The following ZNF782 variants were observed in gnomAD, a reference collection of about 807,000 sequenced individuals.
ZNF782 encodes zinc finger protein 782.
In ZNF782, 12 loss-of-function variants were observed where a neutral mutation model predicts 13.0. That is an observed-to-expected ratio of 0.92 (90% CI 0.59 to 1.50). ZNF782 has a LOEUF of 1.50. ZNF782 is among the 40% of genes most tolerant of loss of function. ZNF782 has a pLI of 0.00. For missense variants in ZNF782, 770 were observed against 822.9 expected (o/e 0.94, Z 0.79); for synonymous variants, 284 against 283.0 (o/e 1.00, Z -0.04).
chr9:96,882,531 ATTAAT>A, the ZNF782 span, among the ~76,000 whole-genome samples: 2 of 152,300 alleles, frequency 1.3e-5, no homozygotes, highest in Middle Eastern at 3.4e-3. Flanking sequence ...CAGAGATTAT[ATTAAT>A]TTATTATAAA....
chr9:96,889,163 G>C, the ZNF782 span: 5 of 152,158 alleles, frequency 3.3e-5, no homozygotes, highest in Non-Finnish European at 5.9e-5. Context: ...CTCCTGCCAT[G>C]CATCATAAGC....
chr9:96,845,043 T>G (rs755610199), intron 3 of ZNF782, 27 bp from the exon 4 acceptor site: 1 of 1,613,398 alleles, frequency 6.2e-7, no homozygotes, highest in Non-Finnish European at 8.5e-7. Flanking sequence ...CTAATTAATC[T>G]GAGTGTTCAG....
At chr9:96,915,080 A>G in the ZNF782 span, among the ~76,000 whole-genome samples, 1 of 151,782 alleles carries the variant, frequency 6.6e-6, no homozygotes, top group Admixed American at 6.6e-5. Context: ...TGCACTTCAT[A>G]AACAAAACAT....
chr9:96,916,309 G>GTT, the ZNF782 span, among the ~76,000 whole-genome samples: 1 of 151,924 alleles, frequency 6.6e-6, no homozygotes, highest in Non-Finnish European at 1.5e-5. Flanking sequence ...TGGCCAACAT[G>GTT]GTGAACCCTG....
chr9:96,824,003 G>A (rs183009391), intron 5 of ZNF782, among the ~76,000 whole-genome samples: 4,623 of 152,236 alleles, frequency 0.03, 116 homozygotes, highest in Middle Eastern at 0.044. Flanking sequence ...CATTCCTTCT[G>A]AAACTATTCC....
In ZNF782 at chr9:96,819,120, T is replaced by A. The variant is rs141681634; in HGVS notation, c.903A>T (p.Arg301Ser). The A allele has an allele frequency of 1.9e-5, 31 of 1,613,918 alleles. No homozygotes were observed. The African/African-American group carries it at 2.8e-4, about 15-fold the overall frequency. Reference sequence around the variant, plus strand: ...CCCCTATATGAACTCTATGATGTTCTCTAATGTGTGACTTTTGGCTGAAGG... The same window carrying A: ...CCCCTATATGAACTCTATGATGTTCACTAATGTGTGACTTTTGGCTGAAGG... The part of the protein sequence containing the change: ...GKSFSQKSHI[R>S]EHHRVHIGVK... The change falls in exon 6 of 6, where the codon AGA becomes AGT. Residue 301 changes from arginine (R) to serine (S), a missense_variant. Coordinates refer to ENST00000481138, the MANE Select transcript of ZNF782 (RefSeq NM_001001662.3).
rs1268906343 is a variant in ZNF782, at chr9:96,819,562, T to C, written c.461A>G (p.His154Arg). Residue 154 changes from histidine (H) to arginine (R), a missense_variant, in exon 6 of 6, where the codon CAC becomes CGC. By Grantham distance (29) the His-to-Arg change is conservative (BLOSUM62 0). Coordinates refer to ENST00000481138, the MANE Select transcript of ZNF782 (RefSeq NM_001001662.3). ...ACQGLSLMAP[H>R]CQYSKEKAHE... ...AGCCTTTTCTTTTGAATACTGACAGTGTGGGGCCATCAGGCTGAGCCCCTG... is the reference window on the plus strand; with the variant it reads ...AGCCTTTTCTTTTGAATACTGACAGCGTGGGGCCATCAGGCTGAGCCCCTG... 3 of 1,613,546 alleles carry C rather than the reference T, an allele frequency of 1.9e-6. No individual in the cohort carries two copies. The highest frequency in any genetic ancestry group is 1.3e-5 in the African/African-American group (1 of 74,872).
the ZNF782 span, among the ~76,000 whole-genome samples, chr9:96,912,401 C>T: frequency 8.6e-3 from 1,281 of 148,940 alleles, 21 homozygotes; most frequent in African/African-American, 0.029. Flanking sequence ...TGGCGGGCGC[C>T]TGTAATCCCA....
intron 1 of ZNF782, among the ~76,000 whole-genome samples, chr9:96,864,728 T>A (rs1218326926): frequency 1.3e-5 from 2 of 152,086 alleles, no homozygotes; most frequent in Non-Finnish European, 2.9e-5. Flanking sequence ...TAGTTTTATA[T>A]TTATTTAAAC....
upstream of ZNF782, among the ~76,000 whole-genome samples, chr9:96,879,265 G>C (rs776048211): frequency 6.6e-5 from 10 of 152,224 alleles, no homozygotes; most frequent in South Asian, 2.1e-4. Context: ...TAGGCGGGCA[G>C]ATCACGAGGT....
upstream of ZNF782, among the ~76,000 whole-genome samples, chr9:96,859,334 C>G (rs1851678444): frequency 6.6e-6 from 1 of 152,108 alleles, no homozygotes; most frequent in African/African-American, 2.4e-5. Context: ...TCCTCCAACC[C>G]TAGACAGTGC....
chr9:96,905,419 G>C, the ZNF782 span, among the ~76,000 whole-genome samples: 2 of 151,796 alleles, frequency 1.3e-5, no homozygotes, highest in Admixed American at 6.6e-5. Context: ...AAAAAGGGAG[G>C]AACTCTCATT....
intron 4 of ZNF782, among the ~76,000 whole-genome samples, chr9:96,840,559 G>A (rs571116082): frequency 3.3e-5 from 5 of 152,080 alleles, no homozygotes; most frequent in Admixed American, 6.6e-5. Context: ...AATTAAGGCT[G>A]TGCTATTGAA....
chr9:96,874,618 G>A (rs759400044), intron 1 of ZNF782, among the ~76,000 whole-genome samples: 9 of 152,136 alleles, frequency 5.9e-5, no homozygotes, highest in African/African-American at 1.7e-4. Context: ...TCATTCTGGC[G>A]GGTGGATCAA....
At chr9:96,913,987 A>G in the ZNF782 span, among the ~76,000 whole-genome samples, 1 of 150,798 alleles carries the variant, frequency 6.6e-6, no homozygotes. Context: ...AAAAAAAAAA[A>G]GGCAAAATGT....
chr9:96,932,506 A>G, the ZNF782 span: 10 of 1,206,838 alleles, frequency 8.3e-6, no homozygotes, highest in Non-Finnish European at 1.2e-5. Context: ...TGTTCAGGGG[A>G]GCTTGCAGGG....
the ZNF782 span, among the ~76,000 whole-genome samples, chr9:96,913,947 C>G: frequency 6.8e-6 from 1 of 147,190 alleles, no homozygotes; most frequent in African/African-American, 2.5e-5. Context: ...TGAGACCAGC[C>G]TGGGCAACAC....
chr9:96,841,312 A>G (rs1172344590), intron 4 of ZNF782, among the ~76,000 whole-genome samples: 2 of 152,022 alleles, frequency 1.3e-5, no homozygotes, highest in African/African-American at 2.4e-5. Flanking sequence ...TCTATCAAAC[A>G]TTTAATGAAG....
chr9:96,845,612 T>C (rs1851322338), intron 3 of ZNF782, among the ~76,000 whole-genome samples: 1 of 152,124 alleles, frequency 6.6e-6, no homozygotes, highest in East Asian at 1.9e-4. Flanking sequence ...CGTGCAGCTG[T>C]ACACAGAGAT....
Sources: gnomAD v4.1 joint callset for allele counts (sites outside exome capture counted in the v4.1 genomes callset) on GRCh38, gnomAD v4.1.1 for gene constraint, MANE v1.5 for transcripts, NCBI Gene and HGNC (gene_info 2026-07-23, HGNC 2026-07-21) for gene names.